ZFAND4: variants seen among roughly 807,000 people sequenced by gnomAD.
ZFAND4 encodes the protein zinc finger AN1-type containing 4.
ZFAND4 carries 43 observed loss-of-function variants against 64.4 expected under a neutral mutation model. The ratio of observed to expected loss-of-function variants is 0.67; its 90% CI spans 0.52 to 0.86. The LOEUF is 0.86. Ranked by LOEUF, ZFAND4 falls within the 40% of genes least tolerant of loss-of-function variation. The pLI is 0.00. For synonymous variants in ZFAND4, 296 were observed against 305.7 expected (o/e 0.97, Z 0.33); for missense variants, 929 against 859.8 (o/e 1.08, Z -1.01).
At chr10:45,662,683 TA>T in intron 2 of ZFAND4, 1 of 984,864 alleles carries the variant, frequency 1.0e-6, no homozygotes. Context: ...CTCCTGGGTC[TA>T]GAGAAATAGC....
At position 45,663,825 on chromosome 10, in the gene ZFAND4, A is replaced by G. The variant is rs1589436714; in HGVS notation, c.-100T>C. On this transcript the variant is annotated 5_prime_UTR_variant, in exon 2 of 10. An upstream start codon of the reference 5' UTR is lost. Coordinates refer to ENST00000344646, the MANE Select transcript of ZFAND4 (RefSeq NM_174890.4). ...AGATTGGTAATATATATTGTTGTTC[A>G]TGTTTTGAGTTTTGTACCTAAAAAA... 2.8e-6 allele frequency: 3 copies of G among 1,053,976 alleles called. No individual in the cohort carries two copies. In the East Asian group the frequency reaches 9.4e-5, roughly 33 times the overall value. The allele number at this position is 1,053,976 out of a possible 1,614,324, so 65.3% of individuals were successfully genotyped here. A position where few individuals can be genotyped will look rare whatever the true frequency, so the allele number is the denominator to read the frequency against.
At chr10:45,631,766 C>T (rs538104811) in intron 6 of ZFAND4, among the ~76,000 whole-genome samples, 1 of 152,222 alleles carries the variant, frequency 6.6e-6, no homozygotes, top group South Asian at 2.1e-4. Flanking sequence ...ATCCCAATTA[C>T]ACTGATCTGA....
rs567366690 is a variant in ZFAND4 at position 45,634,502 on chromosome 10, C to T, written c.717+5314G>A. Among the ~76,000 whole-genome samples the T allele has an allele frequency of 2.7e-5, 4 of 149,006 alleles. No individual in the cohort carries two copies. In the South Asian group the frequency reaches 8.5e-4, roughly 32 times the overall value. ...CGAGACCACACCACTGCACTCCAGC[C>T]TGGGCAACAGCAAGACTCCATCTCA... On this transcript the variant is annotated intron_variant, in intron 6 of 9. Coordinates refer to ENST00000344646, the MANE Select transcript of ZFAND4 (RefSeq NM_174890.4).
At position 45,626,415 on chromosome 10, in the gene ZFAND4, T is replaced by C. The variant is rs1284553869; in HGVS notation, c.1408A>G (p.Arg470Gly). Reference protein sequence around the residue: ...NYRELSPHKNRLLSPLRCSAP... With the variant: ...NYRELSPHKNGLLSPLRCSAP... ...GAACAGCGAAGAGGTGACAAGAGTC[T>C]ATTCTTGTGAGGACTTAATTCCCGG... The change falls in exon 7 of 10, where the codon AGA (arginine) becomes GGA (glycine). Residue 470 changes from arginine to glycine, a missense_variant. Coordinates refer to ENST00000344646, the MANE Select transcript of ZFAND4 (RefSeq NM_174890.4). 3 of 1,613,992 alleles carry C rather than the reference T, an allele frequency of 1.9e-6. No individual in the cohort carries two copies. The highest frequency in any genetic ancestry group is 2.5e-6 in the Non-Finnish European group (3 of 1,180,006).
intron 5 of ZFAND4, among the ~76,000 whole-genome samples, chr10:45,644,350 G>T (rs1467055651): frequency 6.6e-6 from 1 of 152,202 alleles, no homozygotes; most frequent in Non-Finnish European, 1.5e-5. Flanking sequence ...AAGGAAAACA[G>T]CATAAATAGA....
chr10:45,659,400 CAG>C (rs963723183), intron 2 of ZFAND4, among the ~76,000 whole-genome samples: 2 of 152,112 alleles, frequency 1.3e-5, no homozygotes, highest in African/African-American at 4.8e-5. Flanking sequence ...TCAAAGGCAA[CAG>C]GGGAGACAAA....
At chr10:45,659,352 G>GT (rs2048328549) in intron 2 of ZFAND4, among the ~76,000 whole-genome samples, 1 of 152,172 alleles carries the variant, frequency 6.6e-6, no homozygotes, top group East Asian at 1.9e-4. Context: ...GGAAAGAATT[G>GT]TAAGACGCAA....
At chr10:45,653,539 C>T (rs1427980261) in intron 2 of ZFAND4, among the ~76,000 whole-genome samples, 1 of 152,166 alleles carries the variant, frequency 6.6e-6, no homozygotes, top group Non-Finnish European at 1.5e-5. Context: ...CAAAAAAAGA[C>T]ATATATGTGG....
intron 6 of ZFAND4, among the ~76,000 whole-genome samples, chr10:45,631,021 TA>T (rs1180100622): frequency 2.1e-5 from 3 of 143,888 alleles, no homozygotes; most frequent in Non-Finnish European, 1.5e-5. Flanking sequence ...AACTTATGTA[TA>T]AAATAAGCTC....
At chr10:45,656,501 CAAAAA>C (rs541781976) in intron 2 of ZFAND4, among the ~76,000 whole-genome samples, 77 of 24,694 alleles carry the variant, frequency 3.1e-3, no homozygotes, top group African/African-American at 5.4e-3. Flanking sequence ...GAACCTGTCT[CAAAAA>C]AAAAAAAAAA....
intron 2 of ZFAND4, among the ~76,000 whole-genome samples, chr10:45,661,974 C>T (rs1425576699): frequency 6.6e-6 from 1 of 151,622 alleles, no homozygotes; most frequent in African/African-American, 2.4e-5. Flanking sequence ...TATGTTCTCT[C>T]TCTGCCATGT....
At chr10:45,634,083 C>T (rs1349325789) in intron 6 of ZFAND4, among the ~76,000 whole-genome samples, 2 of 149,538 alleles carry the variant, frequency 1.3e-5, no homozygotes, top group Non-Finnish European at 3.0e-5. Context: ...GGCCCTTATT[C>T]TTAGGAGATA....
intron 2 of ZFAND4, chr10:45,662,612 G>A: frequency 1.0e-6 from 1 of 985,420 alleles, no homozygotes; most frequent in Non-Finnish European, 1.2e-6. Flanking sequence ...AGCTTCAAGA[G>A]TCATTACTGA....
At chr10:45,646,043 T>A (rs1346116699) in intron 5 of ZFAND4, among the ~76,000 whole-genome samples, 1 of 152,166 alleles carries the variant, frequency 6.6e-6, no homozygotes, top group Non-Finnish European at 1.5e-5. Flanking sequence ...CTCTAACAAG[T>A]GAACTTTTGC....
chr10:45,644,049 A>G (rs544330248), intron 5 of ZFAND4, among the ~76,000 whole-genome samples: 35 of 152,358 alleles, frequency 2.3e-4, no homozygotes, highest in Non-Finnish European at 3.8e-4. Context: ...TTTGCCTACA[A>G]TGGCAGAGTT....
intron 3 of ZFAND4, among the ~76,000 whole-genome samples, chr10:45,652,474 A>C (rs1204598608): frequency 6.6e-6 from 1 of 152,114 alleles, no homozygotes; most frequent in East Asian, 1.9e-4. Flanking sequence ...TCTTTTCTTA[A>C]CAAAAGAGTG....
At chr10:45,663,876 C>A (rs1453858546) in intron 1 of ZFAND4, 34 bp from the exon 2 acceptor site, 8 of 582,054 alleles carry the variant, frequency 1.4e-5, no homozygotes, top group Non-Finnish European at 1.9e-5. Context: ...ACAAGCCTAT[C>A]TGAAAGTTGT....
intron 3 of ZFAND4, 51 bp downstream of exon 3, chr10:45,652,933 G>A (rs1334307505): frequency 7.4e-7 from 1 of 1,350,342 alleles, no homozygotes; most frequent in East Asian, 2.3e-5. Context: ...TTAGCATATG[G>A]AGTCATAATA....
chr10:45,622,005 T>C (rs903785827), intron 8 of ZFAND4, among the ~76,000 whole-genome samples: 11 of 151,770 alleles, frequency 7.2e-5, no homozygotes, highest in Non-Finnish European at 1.2e-4. Flanking sequence ...TAGAGCTGAG[T>C]GAGTAGGGAT....
Sources: allele counts gnomAD v4.1 joint callset (sites outside exome capture counted in the v4.1 genomes callset), GRCh38; gene constraint gnomAD v4.1.1; transcripts MANE v1.5; gene names NCBI Gene and HGNC (gene_info 2026-07-23, HGNC 2026-07-21).